Variants in ARSF observed in about 807,000 individuals in gnomAD.
ARSF encodes arylsulfatase F.
A neutral mutation model predicts 35.4 loss-of-function variants in ARSF; 33 were observed. That is an observed-to-expected ratio of 0.93 (90% CI 0.71 to 1.25). ARSF has a LOEUF of 1.25. ARSF is among the 50% of genes most tolerant of loss of function. ARSF has a pLI of 0.00. For missense variants in ARSF, 501 were observed against 480.2 expected, an observed-to-expected ratio of 1.04 and a Z score of -0.40; for synonymous variants, 222 against 193.1, an observed-to-expected ratio of 1.15 and a Z score of -1.24.
chrX:3,084,850 C>T (rs2090235528), intron 6 of ARSF, among the ~76,000 whole-genome samples, 184 bp downstream of exon 6: 1 of 110,724 alleles, frequency 9.0e-6, no homozygotes. Context: ...TGATGGACAC[C>T]CCAATTACAC....
chrX:3,052,365 TG>T (rs1470352281), intron 1 of ARSF, among the ~76,000 whole-genome samples: 1 of 112,440 alleles, frequency 8.9e-6, no homozygotes, highest in African/African-American at 3.2e-5. Flanking sequence ...CTTCATATTT[TG>T]GCTTTGCTAG....
At chrX:3,070,763 C>T (rs973569372) in intron 2 of ARSF, among the ~76,000 whole-genome samples, 1 of 111,226 alleles carries the variant, frequency 9.0e-6, no homozygotes, top group Non-Finnish European at 1.9e-5. Context: ...AAGTCCATTG[C>T]GTCATTCTTA....
At chrX:3,077,789 T>TTTATTATTATTA (rs760984034) in intron 4 of ARSF, among the ~76,000 whole-genome samples, 24,576 of 92,021 alleles carry the variant, frequency 0.27, 3,119 homozygotes, top group African/African-American at 0.36. Context: ...TTTTATTTTA[T>TTTATTATTATTA]TTATTATTAT....
intron 2 of ARSF, among the ~76,000 whole-genome samples, chrX:3,068,462 C>G (rs2090081440): frequency 9.0e-6 from 1 of 111,725 alleles, no homozygotes; most frequent in African/African-American, 3.3e-5. Context: ...CTCTGTCACC[C>G]AGGGTAGACG....
Position 3,076,770 on chromosome X carries a change from C to T in ARSF, c.283+101C>T, listed in dbSNP as rs41305151. ...CGTTAACAAGTAAAAAAGGGCTGGG[C>T]ACGATGGCTCACGCCTGTAATCCCA... On this transcript the variant is annotated intron_variant, in intron 4 of 10. Transcript: ENST00000381127. 7.6e-3 allele frequency: 8,023 copies of T among 1,052,050 alleles called. 34 individuals carry two copies. The highest frequency in any genetic ancestry group is 0.039 in the Middle Eastern group (147 of 3,816). The allele number at this position is 1,052,050 out of a possible 1,213,427, so 86.7% of individuals were successfully genotyped here.
At chrX:3,051,951 C>T (rs1402573670) in intron 1 of ARSF, among the ~76,000 whole-genome samples, 5 of 110,773 alleles carry the variant, frequency 4.5e-5, no homozygotes, top group Admixed American at 9.7e-5. Context: ...CAAGATTATA[C>T]CACTGCACTC....
In ARSF at chrX:3,078,934, TC is replaced by T. The variant is rs766634770; in HGVS notation, c.284-1953del. ...GATCTTGTCCCCATGAAGCAATCAC[TC>T]CCCATTCCCCCTTCTCGCAGCCCCC... On this transcript the variant is annotated intron_variant, in intron 4 of 10. Coordinates refer to ENST00000381127, the MANE Select transcript of ARSF (RefSeq NM_001201539.2). Among the ~76,000 whole-genome samples, 494 of 110,375 alleles carry T rather than the reference TC, an allele frequency of 4.5e-3. 1 individual carries two copies. The highest frequency in any genetic ancestry group is 6.9e-3 in the Non-Finnish European group (363 of 52,794).
At chrX:3,079,814 C>G (rs1459871492) in intron 4 of ARSF, among the ~76,000 whole-genome samples, 1 of 106,182 alleles carries the variant, frequency 9.4e-6, no homozygotes, top group Non-Finnish European at 1.9e-5. Flanking sequence ...ACAAAATTAG[C>G]TGGGCATGGT....
intron 1 of ARSF, among the ~76,000 whole-genome samples, chrX:3,043,420 T>C (rs1366872720): frequency 8.9e-6 from 1 of 112,220 alleles, no homozygotes; most frequent in Non-Finnish European, 1.9e-5. Context: ...ATAATAAAAA[T>C]ACAGTAATGC....
chrX:3,054,120 C>T (rs1460446182), intron 1 of ARSF, among the ~76,000 whole-genome samples: 2 of 111,168 alleles, frequency 1.8e-5, no homozygotes, highest in Non-Finnish European at 3.8e-5. Flanking sequence ...AATGCCTGTT[C>T]CTGGTCCCAG....
intron 4 of ARSF, among the ~76,000 whole-genome samples, chrX:3,080,000 A>G (rs1204818072): frequency 1.1e-5 from 1 of 92,039 alleles, no homozygotes; most frequent in Non-Finnish European, 2.1e-5. Flanking sequence ...AAAGAGAGAG[A>G]GAGAAAAAAA....
chrX:3,084,577 C>T lies in ARSF; in HGVS notation c.741C>T (p.Leu247=), dbSNP rs754963511. Residue 247 remains leucine, a synonymous_variant, in exon 6 of 11, where the codon CTC becomes CTT. Transcript: ENST00000381127. The part of the protein sequence containing the change: ...HTSPLYWDCL[L]MRGHEITEQP... ...CCCCTTTATACTGGGACTGCCTCCTCATGCGGGGGCACGAGATCACGGAGC... is the reference window on the plus strand; with the variant it reads ...CCCCTTTATACTGGGACTGCCTCCTTATGCGGGGGCACGAGATCACGGAGC... 213 of 1,209,202 alleles carry T rather than the reference C, an allele frequency of 1.8e-4. No homozygotes were observed. The highest frequency in any genetic ancestry group is 2.3e-4 in the Non-Finnish European group (210 of 894,940).
At chrX:3,093,020 C>A (rs1388895906) in intron 7 of ARSF, among the ~76,000 whole-genome samples, 12 of 105,517 alleles carry the variant, frequency 1.1e-4, no homozygotes, top group Admixed American at 6.8e-4. Context: ...AATATACAAA[C>A]ACATCCGTGG....
intron 8 of ARSF, among the ~76,000 whole-genome samples, chrX:3,102,907 T>A (rs2090388455): frequency 9.4e-6 from 1 of 105,832 alleles, no homozygotes; most frequent in African/African-American, 3.6e-5. Context: ...CGAGACTCCA[T>A]CTCAAAAAAA....
At chrX:3,080,095 G>T (rs1246524507) in intron 4 of ARSF, among the ~76,000 whole-genome samples, 1 of 109,423 alleles carries the variant, frequency 9.1e-6, no homozygotes, top group East Asian at 2.9e-4. Context: ...GTGGATTCCA[G>T]ATAGCGGTTC....
upstream of ARSF, among the ~76,000 whole-genome samples, chrX:3,040,374 G>T (rs1569128641): frequency 9.0e-6 from 1 of 110,559 alleles, no homozygotes; most frequent in Non-Finnish European, 1.9e-5. Context: ...CCTTCCATTT[G>T]GTTGATGGTC....
intron 1 of ARSF, among the ~76,000 whole-genome samples, chrX:3,055,782 C>T (rs138058021): frequency 9.0e-6 from 1 of 111,302 alleles, no homozygotes; most frequent in African/African-American, 3.3e-5. Flanking sequence ...GCTTCAATAG[C>T]CCAGTGGCAA....
intron 2 of ARSF, among the ~76,000 whole-genome samples, chrX:3,069,285 T>A (rs2090086702): frequency 9.0e-6 from 1 of 111,308 alleles, no homozygotes; most frequent in Admixed American, 9.7e-5. Context: ...ATTTATTTAT[T>A]TTTTTGCTTG....
At chrX:3,043,980 G>C (rs2089965388) in intron 1 of ARSF, among the ~76,000 whole-genome samples, 1 of 110,818 alleles carries the variant, frequency 9.0e-6, no homozygotes, top group Non-Finnish European at 1.9e-5. Flanking sequence ...GTAGAGATGG[G>C]GTTTTGCCAT....
Sources: gnomAD v4.1 joint callset for allele counts (sites outside exome capture counted in the v4.1 genomes callset) on GRCh38, gnomAD v4.1.1 for gene constraint, MANE v1.5 for transcripts, NCBI Gene and HGNC (gene_info 2026-07-23, HGNC 2026-07-21) for gene names.